CRADD: variants seen among roughly 807,000 people sequenced by gnomAD.
The protein encoded by CRADD is CARD and death domain containing adaptor protein.
In CRADD, 9 loss-of-function variants were observed where a neutral mutation model predicts 15.5. The ratio of observed to expected loss-of-function variants is 0.58; its 90% CI spans 0.35 to 1.01. The LOEUF (loss-of-function observed/expected upper bound fraction) is 1.01. CRADD is among the 50% of genes least tolerant of loss of function. CRADD has a pLI of 0.02. For missense variants in CRADD, 227 were observed against 250.3 expected (o/e 0.91, Z 0.63); for synonymous variants, 118 against 107.6 (o/e 1.10, Z -0.60).
Position 93,850,753 on chromosome 12 carries a change from G to A in CRADD, c.*482G>A. The stretch of plus-strand genomic sequence containing the variant: ...TATATATAATGTGCCTCACTCATGA[G>A]AAAGTACCGTGTTGGGTTTTTTTTT... On this transcript the variant is annotated 3_prime_UTR_variant, in exon 3 of 3. Transcript: ENST00000332896. The surrounding 1 kb of genome is among the most constrained non-coding windows in gnomAD (Gnocchi z 4.0). 3.1e-6 allele frequency: 3 copies of A among 982,478 alleles called. No individual in the cohort carries two copies. Among genetic ancestry groups the A allele is most frequent in the Non-Finnish European group, 3.6e-6 (3 of 827,906 alleles). 60.9% of individuals were successfully genotyped at this position (982,478 alleles called of 1,614,324 possible).
intron 2 of CRADD, among the ~76,000 whole-genome samples, chr12:93,788,970 G>A (rs567132451): frequency 1.2e-4 from 18 of 152,216 alleles, no homozygotes; most frequent in African/African-American, 4.3e-4. Flanking sequence ...GACCCCTGGA[G>A]CACTGTGTTC....
chr12:93,782,005 A>G (rs1267388472), intron 2 of CRADD, among the ~76,000 whole-genome samples: 1 of 152,176 alleles, frequency 6.6e-6, no homozygotes, highest in Non-Finnish European at 1.5e-5. Flanking sequence ...ATATACCCAA[A>G]GGATTATAAA....
chr12:93,716,078 G>A (rs1956157084), intron 2 of CRADD, among the ~76,000 whole-genome samples: 1 of 151,202 alleles, frequency 6.6e-6, no homozygotes, highest in African/African-American at 2.4e-5. Flanking sequence ...GTTGCAGTGA[G>A]CTGAGATTGT....
intron 2 of CRADD, among the ~76,000 whole-genome samples, chr12:93,832,196 C>G (rs1957912854): frequency 1.3e-5 from 2 of 152,128 alleles, no homozygotes. Flanking sequence ...GGGAAGACAG[C>G]AAATTTAAAA....
At chr12:93,693,436 G>A (rs1195494759) in intron 2 of CRADD, among the ~76,000 whole-genome samples, 1 of 152,020 alleles carries the variant, frequency 6.6e-6, no homozygotes, top group Non-Finnish European at 1.5e-5. Flanking sequence ...AAGAGAGTAG[G>A]AGTGGCTATA....
chr12:93,878,028 C>A (rs922335824), intron 2 of CRADD, among the ~76,000 whole-genome samples: 2 of 152,082 alleles, frequency 1.3e-5, no homozygotes, highest in Admixed American at 1.3e-4. Flanking sequence ...AGTGTTGCTA[C>A]TGGTTATTCA....
At chr12:93,829,689 TTTGTTG>T (rs3029435) in intron 2 of CRADD, among the ~76,000 whole-genome samples, 2 of 151,486 alleles carry the variant, frequency 1.3e-5, no homozygotes, top group African/African-American at 2.4e-5. Flanking sequence ...GTTTTGGTTT[TTTGTTG>T]TTGTTGTTGT....
intron 2 of CRADD, among the ~76,000 whole-genome samples, chr12:93,802,826 C>T (rs1389845083): frequency 6.6e-6 from 1 of 152,128 alleles, no homozygotes; most frequent in Non-Finnish European, 1.5e-5. Context: ...GGATGTCTTC[C>T]AATAGCCAGC....
chr12:93,785,913 C>A (rs1187464727), intron 2 of CRADD, among the ~76,000 whole-genome samples: 1 of 152,194 alleles, frequency 6.6e-6, no homozygotes, highest in Non-Finnish European at 1.5e-5. Context: ...TATCTTACTT[C>A]ATCAAAATGG....
At chr12:93,688,658 G>T (rs1955493535) in intron 2 of CRADD, among the ~76,000 whole-genome samples, 1 of 152,136 alleles carries the variant, frequency 6.6e-6, no homozygotes, top group Non-Finnish European at 1.5e-5. Context: ...AACTTGATGA[G>T]GGAGGTGGTA....
At chr12:93,854,193 G>T (rs1958251982), downstream of CRADD, among the ~76,000 whole-genome samples, 1 of 151,658 alleles carries the variant, frequency 6.6e-6, no homozygotes, top group African/African-American at 2.4e-5. Flanking sequence ...GCTGATTTCT[G>T]CTGGGCTCTC....
Position 93,678,680 on chromosome 12 carries a change from G to T in CRADD, c.-6-89G>T, listed in dbSNP as rs1955212084. ...TCTGCTATGGTTTAAAGATGTGCTT[G>T]ACCTGAAGGAACTTACATTGCAGTG... On this transcript the variant is annotated intron_variant, in intron 1 of 2. Transcript: ENST00000332896. The T allele has an allele frequency of 3.0e-5, 42 of 1,391,780 alleles. No individual in the cohort carries two copies. In the South Asian group the frequency reaches 5.9e-4, roughly 19 times the overall value. The allele number at this position is 1,391,780 out of a possible 1,614,324, so 86.2% of individuals were successfully genotyped here.
At chr12:93,807,109 G>A (rs957139119) in intron 2 of CRADD, among the ~76,000 whole-genome samples, 1 of 152,100 alleles carries the variant, frequency 6.6e-6, no homozygotes, top group Non-Finnish European at 1.5e-5. Context: ...ACTTTCTTTT[G>A]TAGAGTGGGT....
Position 93,790,281 on chromosome 12 carries a change from G to A in CRADD, c.299-59689G>A, listed in dbSNP as rs1258459333. Among the ~76,000 whole-genome samples the A allele has an allele frequency of 2.6e-5, 4 of 151,976 alleles. No individual in the cohort carries two copies. The East Asian group carries it at 7.7e-4, about 29-fold the overall frequency. On this transcript the variant is annotated intron_variant, in intron 2 of 2. Transcript: ENST00000332896. The stretch of plus-strand genomic sequence containing the variant: ...CTGCTTTCTTCTTTTTGGCCCCCAA[G>A]ATACTCAGAGATAAACTTGAAACTC...
rs189607271 is a variant in CRADD at position 93,780,194 on chromosome 12, G to T, written c.299-69776G>T. Among the ~76,000 whole-genome samples, 933 of 146,876 alleles carry T rather than the reference G, an allele frequency of 6.4e-3. 2 individuals are homozygous for T. Among genetic ancestry groups the T allele is most frequent in the Non-Finnish European group, 1.0e-2 (679 of 68,014 alleles). ...AAAAACAGACCTACTCAACTATTTG[G>T]CTTCTCTTTCTCTATTAAAGACAAT... On this transcript the variant is annotated intron_variant, in intron 2 of 2. Transcript: ENST00000332896.
At chr12:93,692,612 G>C (rs1955601388) in intron 2 of CRADD, among the ~76,000 whole-genome samples, 1 of 152,162 alleles carries the variant, frequency 6.6e-6, no homozygotes, top group African/African-American at 2.4e-5. Flanking sequence ...TGCTAACAAT[G>C]AATAGTGTAG....
chr12:93,710,489 G>A (rs1956045881), intron 2 of CRADD, among the ~76,000 whole-genome samples: 1 of 151,892 alleles, frequency 6.6e-6, no homozygotes, highest in African/African-American at 2.4e-5. Context: ...GAGATTACAG[G>A]TGCACACCAC....
At chr12:93,790,942 CTT>C (rs1195947017) in intron 2 of CRADD, among the ~76,000 whole-genome samples, 3 of 151,970 alleles carry the variant, frequency 2.0e-5, no homozygotes, top group African/African-American at 7.3e-5. Context: ...CACACACACT[CTT>C]GATAGTCCTA....
intron 2 of CRADD, among the ~76,000 whole-genome samples, chr12:93,812,200 C>A (rs118018628): frequency 0.037 from 5,615 of 152,164 alleles, 130 homozygotes; most frequent in African/African-American, 0.057. Flanking sequence ...CTATATTACT[C>A]TATCAATCAT....
Sources: gnomAD v4.1 joint callset for allele counts (sites outside exome capture counted in the v4.1 genomes callset) on GRCh38, gnomAD v4.1.1 for gene constraint, Gnocchi (gnomAD v3.1) non-coding constraint, MANE v1.5 for transcripts, NCBI Gene and HGNC (gene_info 2026-07-23, HGNC 2026-07-21) for gene names.